HIBCH: variants seen among roughly 807,000 people sequenced by gnomAD.
The protein encoded by HIBCH is 3-hydroxyisobutyryl-CoA hydrolase.
In HIBCH, 50 loss-of-function variants were observed where a neutral mutation model predicts 58.2. The ratio of observed to expected loss-of-function variants is 0.86; its 90% CI spans 0.68 to 1.09. The LOEUF (loss-of-function observed/expected upper bound fraction) is 1.09, where lower values mean the gene tolerates loss of function less well. Ranked by LOEUF, HIBCH falls within the 50% of genes least tolerant of loss-of-function variation. The probability of loss-of-function intolerance (pLI) is 0.00; values close to 1 mark genes in which losing one functional copy is unlikely to be tolerated. For synonymous variants in HIBCH, 151 were observed against 146.9 expected (o/e 1.03, Z -0.20); for missense variants, 450 against 449.7 (o/e 1.00, Z -0.01).
At chr2:190,198,788 G>T (rs1452994488) in intron 1 of HIBCH, among the ~76,000 whole-genome samples, 1 of 152,072 alleles carries the variant, frequency 6.6e-6, no homozygotes, top group African/African-American at 2.4e-5. Flanking sequence ...TCTTTAAAAT[G>T]AAGCTGTCTT....
chr2:190,227,954 G>A (rs1005454379), intron 11 of HIBCH, among the ~76,000 whole-genome samples: 2 of 152,170 alleles, frequency 1.3e-5, no homozygotes, highest in Admixed American at 6.5e-5. Flanking sequence ...TTGTTTGTGG[G>A]ACTGTAAACT....
intron 6 of HIBCH, among the ~76,000 whole-genome samples, chr2:190,265,867 G>A (rs191308652): frequency 8.6e-5 from 13 of 151,868 alleles, no homozygotes; most frequent in Admixed American, 2.0e-4. Context: ...TTTCATTTCC[G>A]TATTTGTAAC....
chr2:190,287,780 C>T, intron 5 of HIBCH, 142 bp from the exon 6 acceptor site: 1 of 648,158 alleles, frequency 1.5e-6, no homozygotes. Flanking sequence ...AAATGTATGG[C>T]TTATAAAATA....
At position 190,296,832 on chromosome 2, in the gene HIBCH, T is replaced by C; in HGVS notation, c.200A>G (p.Gln67Arg). The stretch of plus-strand genomic sequence containing the variant: ...ACAAACCTTTAGCTGTGGATAAATC[T>C]GCCGAATCATATTAAGAGTCAGTGC... ...LNALTLNMIR[Q>R]IYPQLKKWEQ... is the part of the protein sequence containing the mutation. Residue 67 changes from glutamine to arginine, a missense_variant, in exon 3 of 14, where the codon CAG (glutamine) becomes CGG (arginine). Gln to Arg is a conservative substitution (Grantham distance 43, BLOSUM62 1). Coordinates refer to ENST00000359678, the MANE Select transcript of HIBCH (RefSeq NM_014362.4). The C allele has an allele frequency of 1.9e-6, 3 of 1,613,990 alleles. No individual in the cohort carries two copies. The highest frequency in any genetic ancestry group is 2.5e-6 in the Non-Finnish European group (3 of 1,179,858).
At chr2:190,201,851 T>C (rs1009662181), downstream of HIBCH, 1 of 167,024 alleles carries the variant, frequency 6.0e-6, no homozygotes, top group Admixed American at 6.5e-5. Flanking sequence ...GTATAAAACA[T>C]TTCCAGGTCA....
At chr2:190,220,598 G>C (rs1360326540) in intron 11 of HIBCH, 1 of 151,744 alleles carries the variant, frequency 6.6e-6, no homozygotes, top group African/African-American at 2.4e-5. Context: ...CCCATTTAAT[G>C]CCCCCGATTA....
In HIBCH at chr2:190,306,914, G is replaced by C. The variant is rs1207833388; in HGVS notation, c.78+3840C>G. On this transcript the variant is annotated intron_variant, in intron 2 of 13. Coordinates refer to ENST00000359678, the MANE Select transcript of HIBCH (RefSeq NM_014362.4). This position sits in a 1 kb window ranked among gnomAD's most constrained non-coding sequence, Gnocchi z 4.6. ...CACAAGAGGACAGAGAGATAAGATG[G>C]CCAACAAGGCTGTCTATTAACCAGG... Among the ~76,000 whole-genome samples, 1 of 152,154 alleles carries C rather than the reference G, an allele frequency of 6.6e-6. No individual in the cohort carries two copies. Among genetic ancestry groups the C allele is most frequent in the Admixed American group, 6.5e-5 (1 of 15,276 alleles).
intron 1 of HIBCH, among the ~76,000 whole-genome samples, chr2:190,190,611 T>C (rs1055176133): frequency 6.6e-6 from 1 of 152,204 alleles, no homozygotes; most frequent in Non-Finnish European, 1.5e-5. Flanking sequence ...TGTGGTTAAC[T>C]TTTTAAGAAA....
At position 190,205,186 on chromosome 2, in the gene HIBCH, T is replaced by TAG; in HGVS notation, c.1090_1091dup (p.Lys365Ter). 1 of 1,611,004 alleles carries TAG rather than the reference T, an allele frequency of 6.2e-7. No individual in the cohort carries two copies. Among genetic ancestry groups the TAG allele is most frequent in the African/African-American group, 1.3e-5 (1 of 74,988 alleles). ...TCAAATCTTCCTCAGTAACTTCTTT[T>TAG]AGATCAGCTGGTTTCCATTTTGGAC... On this transcript the variant is annotated frameshift_variant, in exon 14 of 14. Transcript: ENST00000359678. LOFTEE classifies it high-confidence loss of function.
intron 11 of HIBCH, among the ~76,000 whole-genome samples, chr2:190,227,652 C>T (rs1685950162): frequency 6.6e-6 from 1 of 152,028 alleles, no homozygotes; most frequent in Non-Finnish European, 1.5e-5. Context: ...TACAATCTAC[C>T]CATCTGACAA....
chr2:190,222,951 A>G (rs1284673351), intron 11 of HIBCH, among the ~76,000 whole-genome samples: 3 of 152,238 alleles, frequency 2.0e-5, no homozygotes, highest in Non-Finnish European at 4.4e-5. Context: ...ATAAAAAAGG[A>G]TAAGTTCATG....
intron 7 of HIBCH, among the ~76,000 whole-genome samples, chr2:190,257,177 G>A (rs996206488): frequency 6.6e-6 from 1 of 152,060 alleles, no homozygotes; most frequent in Non-Finnish European, 1.5e-5. Context: ...AAAATCTTAA[G>A]AGCAGCCAAA....
intron 11 of HIBCH, among the ~76,000 whole-genome samples, chr2:190,230,565 C>T (rs1263757498): frequency 2.0e-5 from 3 of 152,102 alleles, no homozygotes; most frequent in Non-Finnish European, 4.4e-5. Context: ...TGTGGTGGCG[C>T]GTGCCTATAT....
intron 11 of HIBCH, among the ~76,000 whole-genome samples, chr2:190,228,709 C>T (rs1685996642): frequency 6.6e-6 from 1 of 152,128 alleles, no homozygotes; most frequent in Non-Finnish European, 1.5e-5. Context: ...TGGTAAGTGG[C>T]TCAACCCATT....
intron 1 of HIBCH, among the ~76,000 whole-genome samples, chr2:190,312,201 T>C (rs576753374): frequency 6.6e-6 from 1 of 152,340 alleles, no homozygotes; most frequent in East Asian, 1.9e-4. Flanking sequence ...TAGGTATGTT[T>C]CATTTGTGAA....
intron 11 of HIBCH, among the ~76,000 whole-genome samples, chr2:190,234,834 TAAAA>T (rs545454077): frequency 7.2e-6 from 1 of 139,290 alleles, no homozygotes. Context: ...AGCAAGACTC[TAAAA>T]AAAAAAAAAC....
chr2:190,229,942 C>A (rs999725696), intron 11 of HIBCH, among the ~76,000 whole-genome samples: 1 of 151,802 alleles, frequency 6.6e-6, no homozygotes, highest in Non-Finnish European at 1.5e-5. Context: ...AGCAAAAGTC[C>A]AAAATAATGA....
In HIBCH at chr2:190,213,080, T is replaced by A; in HGVS notation, c.892-5A>T. 6.2e-7 allele frequency: 1 copy of A among 1,601,574 alleles called. No individual in the cohort carries two copies. The highest frequency in any genetic ancestry group is 1.1e-5 in the South Asian group (1 of 90,860). On this transcript the variant is annotated splice_region_variant and splice_polypyrimidine_tract_variant and intron_variant, in intron 11 of 13. Coordinates refer to ENST00000359678, the MANE Select transcript of HIBCH (RefSeq NM_014362.4). ...TGGAGACATTTTATTAATTACCTTT[T>A]GGAGGAAAAAATTTACTACTGTTAG... is the stretch of plus-strand genomic sequence containing the variant.
intron 6 of HIBCH, among the ~76,000 whole-genome samples, chr2:190,273,016 T>C (rs887359581): frequency 2.0e-5 from 3 of 152,052 alleles, no homozygotes; most frequent in African/African-American, 7.2e-5. Context: ...TATAACCCAA[T>C]GCTTACCTGT....
Sources: allele counts gnomAD v4.1 joint callset (sites outside exome capture counted in the v4.1 genomes callset), GRCh38; gene constraint gnomAD v4.1.1; non-coding constraint Gnocchi (gnomAD v3.1); transcripts MANE v1.5; gene names NCBI Gene and HGNC (gene_info 2026-07-23, HGNC 2026-07-21).